Variants in SGCD observed in about 807,000 individuals in gnomAD.
SGCD encodes sarcoglycan delta.
In SGCD, 18 loss-of-function variants were observed where a neutral mutation model predicts 36.6. The observed-to-expected ratio is 0.49, with a 90% confidence interval of 0.34 to 0.73. SGCD has a LOEUF of 0.73. SGCD is among the 30% of genes least tolerant of loss of function. The pLI, the probability that SGCD is intolerant of heterozygous loss-of-function variation, is 0.01. For missense variants in SGCD, 387 were observed against 346.7 expected, an observed-to-expected ratio of 1.12 and a Z score of -0.92; for synonymous variants, 133 against 130.6, an observed-to-expected ratio of 1.02 and a Z score of -0.12.
intron 4 of SGCD, among the ~76,000 whole-genome samples, chr5:156,578,032 A>G (rs1309332171): frequency 6.6e-6 from 1 of 152,164 alleles, no homozygotes; most frequent in African/African-American, 2.4e-5. Context: ...CCCATTTAGT[A>G]TGATATTGGC....
At chr5:156,677,782 T>G (rs1753573469) in intron 7 of SGCD, among the ~76,000 whole-genome samples, 1 of 151,970 alleles carries the variant, frequency 6.6e-6, no homozygotes, top group Admixed American at 6.6e-5. Context: ...GCAAAAGGAG[T>G]CTGCTCTCAG....
chr5:156,481,811 C>T (rs1477656040), intron 3 of SGCD, among the ~76,000 whole-genome samples: 2 of 152,168 alleles, frequency 1.3e-5, no homozygotes, highest in Admixed American at 6.5e-5. Context: ...GGATCAGGGT[C>T]GGAACCCAGG....
chr5:156,192,147 G>A (rs930172648), intron 3 of SGCD, among the ~76,000 whole-genome samples: 2 of 152,094 alleles, frequency 1.3e-5, no homozygotes, highest in Non-Finnish European at 2.9e-5. Flanking sequence ...ATTTGGGGCT[G>A]TTTCTTCCAA....
intron 7 of SGCD, among the ~76,000 whole-genome samples, chr5:156,739,048 A>C (rs1756525357): frequency 6.6e-6 from 1 of 152,240 alleles, no homozygotes; most frequent in Non-Finnish European, 1.5e-5. Context: ...AGTAAGAATA[A>C]GGTATTTAAG....
intron 6 of SGCD, among the ~76,000 whole-genome samples, chr5:156,604,801 A>G (rs1278169994): frequency 6.5e-5 from 2 of 30,810 alleles, no homozygotes; most frequent in African/African-American, 1.7e-4. Flanking sequence ...TATAATATAT[A>G]TAAATTATAC....
intron 3 of SGCD, among the ~76,000 whole-genome samples, chr5:156,492,895 A>T (rs558292370): frequency 6.6e-6 from 1 of 152,286 alleles, no homozygotes; most frequent in East Asian, 1.9e-4. Flanking sequence ...ACATGAACTC[A>T]TCATTTTCTA....
At chr5:156,073,446 C>A (rs1352169379) in intron 1 of SGCD, among the ~76,000 whole-genome samples, 1 of 152,138 alleles carries the variant, frequency 6.6e-6, no homozygotes, top group East Asian at 1.9e-4. Context: ...GCCTGTAGGT[C>A]TAGCTACCTG....
chr5:156,556,125 A>G, intron 4 of SGCD, among the ~76,000 whole-genome samples: 1 of 151,692 alleles, frequency 6.6e-6, no homozygotes, highest in African/African-American at 2.4e-5. Context: ...GATAAGAAAA[A>G]AAAAAAAAAA....
intron 3 of SGCD, among the ~76,000 whole-genome samples, chr5:156,237,483 GC>G (rs1334428485): frequency 3.3e-5 from 5 of 152,028 alleles, no homozygotes; most frequent in Non-Finnish European, 7.4e-5. Context: ...AAATTAGCTG[GC>G]CATGGTGACA....
chr5:156,320,536 T>C (rs144264690), intron 3 of SGCD, among the ~76,000 whole-genome samples: 1 of 152,352 alleles, frequency 6.6e-6, no homozygotes, highest in East Asian at 1.9e-4. Flanking sequence ...AGCCATCTAT[T>C]CAGCTCTATC....
chr5:155,899,623 A>G (rs573640872), intron 1 of SGCD, among the ~76,000 whole-genome samples: 10 of 152,304 alleles, frequency 6.6e-5, no homozygotes, highest in Admixed American at 4.6e-4. Flanking sequence ...ATGGGATGAT[A>G]TTAAAAATGC....
At chr5:155,732,845 A>C in the SGCD span, among the ~76,000 whole-genome samples, 1 of 152,150 alleles carries the variant, frequency 6.6e-6, no homozygotes, top group Non-Finnish European at 1.5e-5. Context: ...CAGCTTCAAG[A>C]GGAGAACTCT....
At chr5:155,913,347 T>C (rs1756669080) in intron 1 of SGCD, among the ~76,000 whole-genome samples, 1 of 152,164 alleles carries the variant, frequency 6.6e-6, no homozygotes, top group Admixed American at 6.6e-5. Context: ...CAATTGATCT[T>C]TGTGACTCCA....
At chr5:155,992,404 A>T (rs1220557006) in intron 1 of SGCD, among the ~76,000 whole-genome samples, 1 of 152,160 alleles carries the variant, frequency 6.6e-6, no homozygotes, top group Non-Finnish European at 1.5e-5. Context: ...TCTTTTTAAT[A>T]AGGAAAAATT....
intron 4 of SGCD, among the ~76,000 whole-genome samples, chr5:156,519,204 C>A (rs546375007): frequency 5.2e-4 from 79 of 152,128 alleles, no homozygotes; most frequent in Non-Finnish European, 9.0e-4. Flanking sequence ...ACTATAAACA[C>A]CTCTATGCAT....
rs79839465 is a variant in SGCD at position 155,870,855 on chromosome 5, G to A, written c.-282+431G>A. ...CTCCGTCTCTGTGGGTTTGACTTAC[G>A]GGTCACAACACGCGATCGTTATTTC... is the stretch of plus-strand genomic sequence containing the variant. On this transcript the variant is annotated intron_variant, in intron 1 of 9. Coordinates refer to the SGCD transcript ENST00000517913. Among the ~76,000 whole-genome samples the A allele has an allele frequency of 4.7e-3, 720 of 152,098 alleles. 4 individuals carry two copies. Among genetic ancestry groups the A allele is most frequent in the African/African-American group, 0.016 (667 of 41,472 alleles).
Position 156,519,071 on chromosome 5 carries a change from G to GA in SGCD, c.294+10378dup, listed in dbSNP as rs201100503. Among the ~76,000 whole-genome samples, 733 of 149,412 alleles carry GA rather than the reference G, an allele frequency of 4.9e-3. 2 individuals carry two copies. The highest frequency in any genetic ancestry group is 0.015 in the African/African-American group (605 of 40,780). ...CAACAAATCTAGGAGCTGGTTTTTTGAAAAAAAAATTAATAAAATAGCTTG... is the reference window on the plus strand; with the variant it reads ...CAACAAATCTAGGAGCTGGTTTTTTGAAAAAAAAAATTAATAAAATAGCTTG... On this transcript the variant is annotated intron_variant, in intron 4 of 8. Transcript: ENST00000337851.
chr5:156,346,191 T>C (rs1768923706), intron 3 of SGCD, among the ~76,000 whole-genome samples: 1 of 150,508 alleles, frequency 6.6e-6, no homozygotes, highest in African/African-American at 2.5e-5. Context: ...CTTTTTAATA[T>C]TTGTGGTAAC....
At chr5:155,915,832 T>C (rs1017542055) in intron 1 of SGCD, among the ~76,000 whole-genome samples, 3 of 152,182 alleles carry the variant, frequency 2.0e-5, no homozygotes, top group Non-Finnish European at 4.4e-5. Context: ...TTAAGTCACA[T>C]AGCACTTCCA....
Sources: gnomAD v4.1 joint callset for allele counts (sites outside exome capture counted in the v4.1 genomes callset) on GRCh38, gnomAD v4.1.1 for gene constraint, MANE v1.5 for transcripts, NCBI Gene and HGNC (gene_info 2026-07-23, HGNC 2026-07-21) for gene names.